The following GAN variants were observed in gnomAD, a reference collection of about 807,000 sequenced individuals.
GAN encodes gigaxonin.
Under a neutral mutation model 71.3 loss-of-function variants are expected in GAN, and 48 were observed. That is an observed-to-expected ratio of 0.67 (90% CI 0.53 to 0.86). The LOEUF (loss-of-function observed/expected upper bound fraction) is 0.86, where lower values mean the gene tolerates loss of function less well. Among genes scored for constraint, GAN ranks in the 40% least tolerant of loss-of-function variants. The pLI, the probability that GAN is intolerant of heterozygous loss-of-function variation, is 0.00. For synonymous variants in GAN, 386 were observed against 276.8 expected (o/e 1.39, Z -3.92); for missense variants, 928 against 770.1 (o/e 1.21, Z -2.43).
chr16:81,364,429 C>A (rs1362333380), intron 7 of GAN, among the ~76,000 whole-genome samples: 1 of 152,192 alleles, frequency 6.6e-6, no homozygotes, highest in African/African-American at 2.4e-5. Flanking sequence ...CCACACCCAG[C>A]TAATTTTTGT....
chr16:81,337,467 T>C (rs924320726), intron 1 of GAN, among the ~76,000 whole-genome samples: 1 of 152,226 alleles, frequency 6.6e-6, no homozygotes, highest in Non-Finnish European at 1.5e-5. Flanking sequence ...ATCACTGTTA[T>C]GTCAAGCCCC....
At chr16:81,335,237 G>A (rs549652576) in intron 1 of GAN, among the ~76,000 whole-genome samples, 1 of 152,100 alleles carries the variant, frequency 6.6e-6, no homozygotes, top group East Asian at 1.9e-4. Context: ...GGATTTAATT[G>A]GCCCAGTTTG....
At chr16:81,328,832 G>T (rs1013131743) in intron 1 of GAN, among the ~76,000 whole-genome samples, 1 of 152,110 alleles carries the variant, frequency 6.6e-6, no homozygotes, top group African/African-American at 2.4e-5. Flanking sequence ...TCTCTGAAGG[G>T]TTAGAAATAA....
At chr16:81,361,531 A>C (rs997345627) in intron 5 of GAN, among the ~76,000 whole-genome samples, 1 of 152,116 alleles carries the variant, frequency 6.6e-6, no homozygotes, top group Non-Finnish European at 1.5e-5. Context: ...CCTGGAGCTT[A>C]AACTTCTGTC....
chr16:81,378,151 G>T lies in GAN; in HGVS notation c.*555G>T. The T allele has an allele frequency of 6.3e-6, 1 of 159,184 alleles. No homozygotes were observed. The allele number at this position is 159,184 out of a possible 1,614,324, so 9.9% of individuals were successfully genotyped here. A position where few individuals can be genotyped will look rare whatever the true frequency, so the allele number is the denominator to read the frequency against. The stretch of plus-strand genomic sequence containing the variant: ...AGTCTCCATTTATTCCTAGTACTCT[G>T]TCCTAAGAATCTTTTTAAAACTATA... On this transcript the variant is annotated 3_prime_UTR_variant, in exon 11 of 11. Transcript: ENST00000648994.
rs150589329 is a variant in GAN at position 81,356,833 on chromosome 16, T to C, written c.682T>C (p.Ser228Pro). Residue 228 changes from serine to proline, a missense_variant, in exon 4 of 11, where the codon TCC (serine) becomes CCC (proline). Physicochemically the swap from Ser to Pro is moderately conservative, Grantham distance 74. Coordinates refer to ENST00000648994, the MANE Select transcript of GAN (RefSeq NM_022041.4). Reference sequence around the variant, plus strand: ...AGCTCTGTGGGTTTCAGGGTTGGACTCCAGTTATTTACGGGAACAGATGCT... The same window carrying C: ...AGCTCTGTGGGTTTCAGGGTTGGACCCCAGTTATTTACGGGAACAGATGCT... ...MSALWVSGLD[S>P]SYLREQMLNE... 2.7e-5 allele frequency: 43 copies of C among 1,613,836 alleles called. No individual in the cohort carries two copies. Among genetic ancestry groups the C allele is most frequent in the African/African-American group, 6.7e-5 (5 of 74,932 alleles).
intron 9 of GAN, among the ~76,000 whole-genome samples, chr16:81,370,682 C>G (rs1243884948): frequency 6.6e-6 from 1 of 152,252 alleles, no homozygotes; most frequent in African/African-American, 2.4e-5. Flanking sequence ...GAGAGGAAGG[C>G]AGCCGACAGC....
chr16:81,360,615 A>T (rs1910642730), intron 5 of GAN, among the ~76,000 whole-genome samples: 1 of 151,372 alleles, frequency 6.6e-6, no homozygotes, highest in Non-Finnish European at 1.5e-5. Flanking sequence ...GTCTTTTTAC[A>T]GGAGAATAAC....
rs1904310063 is a variant in GAN, at chr16:81,382,406, G to C, written c.*4810G>C. 1.3e-5 allele frequency: 2 copies of C among 152,188 alleles called. No homozygotes were observed. 9.4% of individuals were successfully genotyped at this position (152,188 alleles called of 1,614,324 possible). ...GAAAGATCTTTGATTTTCTTTGTTA[G>C]TTAGCTATAGGAAGGTTAAGAATTT... is the stretch of plus-strand genomic sequence containing the variant. On this transcript the variant is annotated 3_prime_UTR_variant, in exon 11 of 11. Coordinates refer to ENST00000648994, the MANE Select transcript of GAN (RefSeq NM_022041.4).
chr16:81,357,974 A>T (rs1486966053), intron 5 of GAN, 43 bp downstream of exon 5: 35 of 1,536,900 alleles, frequency 2.3e-5, no homozygotes, highest in Non-Finnish European at 3.1e-5. Flanking sequence ...CAGATCAAGT[A>T]ATGTGTAATC....
At chr16:81,372,832 C>G (rs8045841) in intron 9 of GAN, among the ~76,000 whole-genome samples, 102,017 of 152,150 alleles carry the variant, frequency 0.67, 34,370 homozygotes, top group East Asian at 0.75. Context: ...CATTATCTTT[C>G]AAAGGTGTGT....
chr16:81,352,497 G>T (rs1910332258), intron 2 of GAN, among the ~76,000 whole-genome samples: 1 of 152,268 alleles, frequency 6.6e-6, no homozygotes, highest in Middle Eastern at 3.4e-3. Flanking sequence ...GGCTGTGTGA[G>T]AATGCATTTC....
chr16:81,358,010 G>A (rs757002609), intron 5 of GAN, 79 bp downstream of exon 5: 116 of 1,199,548 alleles, frequency 9.7e-5, no homozygotes, highest in Middle Eastern at 7.6e-4. Flanking sequence ...ATGACTCAGA[G>A]CCTTTTAAAG....
At chr16:81,324,506 G>A (rs184728728) in intron 1 of GAN, among the ~76,000 whole-genome samples, 2 of 152,208 alleles carry the variant, frequency 1.3e-5, no homozygotes, top group South Asian at 2.1e-4. Flanking sequence ...AGGCCTCTCT[G>A]GGAACAGAAC....
chr16:81,331,646 C>T (rs1909581548), intron 1 of GAN, among the ~76,000 whole-genome samples: 1 of 152,204 alleles, frequency 6.6e-6, no homozygotes, highest in Non-Finnish European at 1.5e-5. Context: ...CCCCACGTCC[C>T]ACCCTGTCCC....
chr16:81,349,483 A>T (rs1352156219), intron 1 of GAN, among the ~76,000 whole-genome samples: 2 of 152,006 alleles, frequency 1.3e-5, no homozygotes, highest in African/African-American at 4.8e-5. Flanking sequence ...GTCTCTACAA[A>T]AAGTACAAAA....
In GAN at chr16:81,357,831, G is replaced by A. The variant is rs749264810; in HGVS notation, c.873G>A (p.Ala291=). The part of the protein sequence containing the change: ...EERVSRKPTA[A]MRCMCPLYDP... ...TTAGTTCACGGAAACCCACAGCAGC[G>A]ATGCGATGCATGTGCCCTCTCTATG... The change falls in exon 5 of 11, where the codon GCG becomes GCA. Residue 291 remains alanine, a synonymous_variant. Transcript: ENST00000648994. 7 of 1,613,088 alleles carry A rather than the reference G, an allele frequency of 4.3e-6. No homozygotes were observed. The highest frequency in any genetic ancestry group is 3.3e-5 in the Admixed American group (2 of 59,994).
At chr16:81,322,802 C>T (rs558370124) in intron 1 of GAN, among the ~76,000 whole-genome samples, 2 of 152,120 alleles carry the variant, frequency 1.3e-5, no homozygotes, top group Admixed American at 6.5e-5. Flanking sequence ...AAAATATTTG[C>T]ACTTTTGTCA....
At chr16:81,365,954 C>T (rs1357665811) in intron 9 of GAN, among the ~76,000 whole-genome samples, 1 of 152,128 alleles carries the variant, frequency 6.6e-6, no homozygotes, top group Non-Finnish European at 1.5e-5. Context: ...GCTTTTTCTG[C>T]TACTGACCCA....
Sources: gnomAD v4.1 joint callset for allele counts (sites outside exome capture counted in the v4.1 genomes callset) on GRCh38, gnomAD v4.1.1 for gene constraint, MANE v1.5 for transcripts, NCBI Gene and HGNC (gene_info 2026-07-23, HGNC 2026-07-21) for gene names.